The following SPICE1 variants were observed in gnomAD, a reference collection of about 807,000 sequenced individuals.
SPICE1 encodes spindle and centriole-associated protein 1.
In SPICE1, 75 loss-of-function variants were observed where a neutral mutation model predicts 102.7. The observed-to-expected ratio is 0.73, with a 90% CI of 0.61 to 0.88. The LOEUF (loss-of-function observed/expected upper bound fraction) is 0.88, where lower values mean the gene tolerates loss of function less well. Among genes scored for constraint, SPICE1 ranks in the 40% least tolerant of loss-of-function variants. The pLI, the probability that SPICE1 is intolerant of heterozygous loss-of-function variation, is 0.00. For missense variants in SPICE1, 979 were observed against 1,020.1 expected (o/e 0.96, Z 0.55); for synonymous variants, 308 against 350.3 (o/e 0.88, Z 1.35).
intron 7 of SPICE1, among the ~76,000 whole-genome samples, chr3:113,480,385 A>T (rs1386434236): frequency 6.6e-6 from 1 of 152,206 alleles, no homozygotes; most frequent in Admixed American, 6.5e-5. Context: ...TTGTTACTTC[A>T]ATCTGATAAA....
At chr3:113,495,659 A>G (rs764207778) in intron 4 of SPICE1, among the ~76,000 whole-genome samples, 1 of 152,348 alleles carries the variant, frequency 6.6e-6, no homozygotes, top group Non-Finnish European at 1.5e-5. Context: ...TATAACTTAA[A>G]TTATATTATC....
chr3:113,506,694 C>T, intron 1 of SPICE1, 89 bp from the exon 2 acceptor site: 2 of 966,342 alleles, frequency 2.1e-6, no homozygotes, highest in Non-Finnish European at 3.0e-6. Context: ...AAAAAAAAAA[C>T]AAATTTTAAA....
In SPICE1 at chr3:113,459,918, C is replaced by A. The variant is rs1016464815; in HGVS notation, c.1435+699G>T. 6 of 984,662 alleles carry A rather than the reference C, an allele frequency of 6.1e-6. No homozygotes were observed. In the African/African-American group the frequency reaches 1.1e-4, roughly 17 times the overall value. The allele number at this position is 984,662 out of a possible 1,614,324, so 61.0% of individuals were successfully genotyped here. A position where few individuals can be genotyped will look rare whatever the true frequency, so the allele number is the denominator to read the frequency against. On this transcript the variant is annotated intron_variant, in intron 12 of 17. Coordinates refer to ENST00000295872, the MANE Select transcript of SPICE1 (RefSeq NM_144718.4). The stretch of plus-strand genomic sequence containing the variant: ...AAAAAAAAAAATAGCAAGACTCCAC[C>A]AGAAGACAGAGATGTGCCCTAGCCA...
intron 12 of SPICE1, among the ~76,000 whole-genome samples, chr3:113,458,865 C>A (rs887353492): frequency 2.6e-5 from 4 of 151,144 alleles, no homozygotes; most frequent in Non-Finnish European, 5.9e-5. Context: ...CCGGCCGCCC[C>A]GTCTGGGAAG....
intron 4 of SPICE1, among the ~76,000 whole-genome samples, chr3:113,494,529 C>T (rs1936838054): frequency 6.6e-6 from 1 of 151,774 alleles, no homozygotes; most frequent in South Asian, 2.1e-4. Flanking sequence ...CGCCTGTAGT[C>T]CCAGCTACTT....
rs775087873 is a variant in SPICE1 at position 113,465,708 on chromosome 3, A to G, written c.1232T>C (p.Ile411Thr). The change falls in exon 11 of 18, where the codon ATT (isoleucine) becomes ACT (threonine). Residue 411 changes from isoleucine (I) to threonine (T), a missense_variant. Physicochemically the swap from Ile to Thr is moderately conservative, Grantham distance 89. Coordinates refer to ENST00000295872, the MANE Select transcript of SPICE1 (RefSeq NM_144718.4). ...EQVLGDHREL[I>T]DALTAEILRL... The stretch of plus-strand genomic sequence containing the variant: ...AAGAATTTCAGCTGTCAGAGCATCA[A>G]TGAGCTCTCGATGATCACCTAATAC... 8.7e-6 allele frequency: 14 copies of G among 1,613,658 alleles called. No individual in the cohort carries two copies. The highest frequency in any genetic ancestry group is 8.3e-5 in the Admixed American group (5 of 60,002).
chr3:113,465,815 A>G (rs1361351221), intron 10 of SPICE1, 31 bp from the exon 11 acceptor site: 5 of 1,602,420 alleles, frequency 3.1e-6, no homozygotes, highest in African/African-American at 1.3e-5. Context: ...AACTTCCACC[A>G]ATAGCATCAC....
intron 14 of SPICE1, among the ~76,000 whole-genome samples, chr3:113,452,084 A>G (rs16845109): frequency 0.041 from 6,266 of 152,232 alleles, 153 homozygotes; most frequent in East Asian, 0.1. Flanking sequence ...CAGCATTTGG[A>G]GCTCTTTTAT....
chr3:113,477,690 A>G (rs1172546539), intron 7 of SPICE1, among the ~76,000 whole-genome samples: 2 of 151,866 alleles, frequency 1.3e-5, no homozygotes, highest in Non-Finnish European at 1.5e-5. Context: ...GCAAGGACAA[A>G]AAACCAAACA....
intron 12 of SPICE1, chr3:113,459,305 G>C (rs1343695832): frequency 3.7e-6 from 1 of 266,876 alleles, no homozygotes; most frequent in East Asian, 1.8e-4. Context: ...CCTCTGCCTA[G>C]GAAAACCAGA....
rs555749424 is a variant in SPICE1, at chr3:113,503,266, A to G, written c.100-39T>C. 5.5e-6 allele frequency: 8 copies of G among 1,461,856 alleles called. No individual in the cohort carries two copies. The Admixed American group carries it at 1.4e-4, about 26-fold the overall frequency. 90.6% of individuals were successfully genotyped at this position (1,461,856 alleles called of 1,614,324 possible). A position where few individuals can be genotyped will look rare whatever the true frequency, so the allele number is the denominator to read the frequency against. Reference sequence around the variant, plus strand: ...TGGCCTTTCTTTAAAAAAAAAAAAAAGTTTTCTTATAAAATATACACATTT... The same window carrying G: ...TGGCCTTTCTTTAAAAAAAAAAAAAGGTTTTCTTATAAAATATACACATTT... On this transcript the variant is annotated intron_variant, in intron 2 of 17. Transcript: ENST00000295872.
chr3:113,491,695 C>T (rs2107493569), intron 6 of SPICE1, among the ~76,000 whole-genome samples: 1 of 150,742 alleles, frequency 6.6e-6, no homozygotes, highest in African/African-American at 2.4e-5. Context: ...TATAGTGGTC[C>T]TCTGCTTATC....
Position 113,494,124 on chromosome 3 carries a change from G to T in SPICE1, c.310C>A (p.Gln104Lys), listed in dbSNP as rs1353272695. The T allele has an allele frequency of 1.2e-6, 2 of 1,608,204 alleles. No homozygotes were observed. The highest frequency in any genetic ancestry group is 1.1e-5 in the South Asian group (1 of 90,258). ...IMKEILSDQY[Q>K]MQDVLEKSDH... ...GATTTCTCCAACACATCTTGCATCTGGTATTGATCAGAAAGAATCTAGACA... is the reference window on the plus strand; with the variant it reads ...GATTTCTCCAACACATCTTGCATCTTGTATTGATCAGAAAGAATCTAGACA... The change falls in exon 5 of 18, where the codon CAG (glutamine) becomes AAG (lysine). Residue 104 changes from glutamine to lysine, a missense_variant. By Grantham distance (53) the Gln-to-Lys change is moderately conservative. Coordinates refer to ENST00000295872, the MANE Select transcript of SPICE1 (RefSeq NM_144718.4).
intron 6 of SPICE1, among the ~76,000 whole-genome samples, chr3:113,490,070 T>G (rs188485887): frequency 6.6e-6 from 1 of 152,124 alleles, no homozygotes; most frequent in African/African-American, 2.4e-5. Flanking sequence ...TCCAGTCTTA[T>G]CTTGTTTGGT....
chr3:113,513,540 A>G (rs566594725), intron 1 of SPICE1, among the ~76,000 whole-genome samples: 8 of 152,274 alleles, frequency 5.3e-5, no homozygotes, highest in African/African-American at 1.9e-4. Context: ...CCAAATCTCT[A>G]CTTGCTGATA....
intron 7 of SPICE1, among the ~76,000 whole-genome samples, chr3:113,479,589 C>G (rs1936444427): frequency 6.6e-6 from 1 of 152,172 alleles, no homozygotes; most frequent in East Asian, 1.9e-4. Flanking sequence ...TACAGTCCCA[C>G]CAACAGTGTA....
chr3:113,457,068 G>A, intron 13 of SPICE1, 68 bp downstream of exon 13: 2 of 1,450,474 alleles, frequency 1.4e-6, no homozygotes, highest in East Asian at 2.3e-5. Context: ...ATGTAATGGT[G>A]AAAGTAATAC....
chr3:113,465,501 T>A, intron 11 of SPICE1, 152 bp downstream of exon 11: 1 of 637,570 alleles, frequency 1.6e-6, no homozygotes, highest in Non-Finnish European at 2.6e-6. Flanking sequence ...ATGTAATAAA[T>A]GTTCAATAAT....
At chr3:113,462,481 G>T (rs1275484970) in intron 11 of SPICE1, among the ~76,000 whole-genome samples, 1 of 152,208 alleles carries the variant, frequency 6.6e-6, no homozygotes, top group Admixed American at 6.5e-5. Flanking sequence ...GTTTTCAGCA[G>T]TTGCTAGGTT....
Sources: gnomAD v4.1 joint callset for allele counts (sites outside exome capture counted in the v4.1 genomes callset) on GRCh38, gnomAD v4.1.1 for gene constraint, MANE v1.5 for transcripts, NCBI Gene and HGNC (gene_info 2026-07-23, HGNC 2026-07-21) for gene names.